Variants in TOPBP1 observed in about 807,000 individuals in gnomAD.
TOPBP1 encodes DNA topoisomerase II binding protein 1.
In TOPBP1, 28 loss-of-function variants were observed where a neutral mutation model predicts 167.7. The observed-to-expected ratio is 0.17, with a 90% CI of 0.12 to 0.23. The LOEUF (loss-of-function observed/expected upper bound fraction) is 0.23. TOPBP1 is among the 10% of genes least tolerant of loss of function. The pLI is 1.00. For synonymous variants in TOPBP1, 598 were observed against 611.4 expected, an observed-to-expected ratio of 0.98 and a Z score of 0.32; for missense variants, 1,554 against 1,809.6, an observed-to-expected ratio of 0.86 and a Z score of 2.56.
At chr3:133,634,111 A>C (rs1012091774) in intron 14 of TOPBP1, among the ~76,000 whole-genome samples, 2 of 152,254 alleles carry the variant, frequency 1.3e-5, no homozygotes, top group Non-Finnish European at 2.9e-5. Context: ...AAAAATTTGA[A>C]AAGAATCAAA....
intron 23 of TOPBP1, 39 bp downstream of exon 23, chr3:133,616,775 T>C (rs1232537063): frequency 3.3e-6 from 4 of 1,202,700 alleles, no homozygotes; most frequent in African/African-American, 1.6e-5. Flanking sequence ...AATATGGTTA[T>C]TATATGGGAC....
At chr3:133,603,892 C>A (rs1220520073) in intron 27 of TOPBP1, among the ~76,000 whole-genome samples, 1 of 151,732 alleles carries the variant, frequency 6.6e-6, no homozygotes, top group Non-Finnish European at 1.5e-5. Flanking sequence ...AAATCTTTCA[C>A]ATATATGATA....
rs928127650 is a variant in TOPBP1 at position 133,612,268 on chromosome 3, G to C, written c.4035+121C>G. 9.1e-6 allele frequency: 10 copies of C among 1,093,606 alleles called. No individual in the cohort carries two copies. The African/African-American group carries it at 1.1e-4, about 12-fold the overall frequency. 67.7% of individuals were successfully genotyped at this position (1,093,606 alleles called of 1,614,324 possible). ...TTGGCCAGGCATGTCTCGAACTCCT[G>C]ATCTCAGGTGATCCACCCACCTCGG... On this transcript the variant is annotated intron_variant, in intron 24 of 27. Coordinates refer to ENST00000260810, the MANE Select transcript of TOPBP1 (RefSeq NM_007027.4).
Position 133,617,191 on chromosome 3 carries a change from T to A in TOPBP1, c.3728A>T (p.Asn1243Ile). 1 of 1,612,786 alleles carries A rather than the reference T, an allele frequency of 6.2e-7. No homozygotes were observed. The change falls in exon 22 of 28, where the codon AAC (asparagine) becomes ATC (isoleucine). Residue 1243 changes from asparagine to isoleucine, a missense_variant. Physicochemically the swap from Asn to Ile is moderately radical, Grantham distance 149. Transcript: ENST00000260810. ...TCTAGGGTGCGGAGCCACAGGGGGGTTGGCGAGTGGAAAGGCAATACTGGG... is the reference window on the plus strand; with the variant it reads ...TCTAGGGTGCGGAGCCACAGGGGGGATGGCGAGTGGAAAGGCAATACTGGG... The part of the protein sequence containing the change: ...QAPSIAFPLA[N>I]PPVAPHPREK...
At chr3:133,653,586 A>G in intron 6 of TOPBP1, 62 bp from the exon 7 acceptor site, 1 of 1,338,072 alleles carries the variant, frequency 7.5e-7, no homozygotes, top group East Asian at 2.6e-5. Context: ...GAAAACCATT[A>G]CAATCTATCT....
rs558998160 is a variant in TOPBP1, at chr3:133,615,238, G to A, written c.3871+1576C>T. 9.3e-4 allele frequency among the ~76,000 whole-genome samples: 142 copies of A among 152,168 alleles called. 2 individuals carry two copies. Among genetic ancestry groups the A allele is most frequent in the Non-Finnish European group, 8.8e-4 (60 of 67,980 alleles). On this transcript the variant is annotated intron_variant, in intron 23 of 27. Transcript: ENST00000260810. ...TAATCCCAGCACTTTGGGAGGCCAAGGTAGGTGGATCATCTGAGGTCAGCA... is the reference window on the plus strand; with the variant it reads ...TAATCCCAGCACTTTGGGAGGCCAAAGTAGGTGGATCATCTGAGGTCAGCA...
chr3:133,619,293 C>T (rs181145240), intron 20 of TOPBP1, among the ~76,000 whole-genome samples: 1 of 152,174 alleles, frequency 6.6e-6, no homozygotes, highest in Admixed American at 6.6e-5. Context: ...AATGATAAAA[C>T]ATGATCTGAA....
intron 8 of TOPBP1, among the ~76,000 whole-genome samples, chr3:133,651,950 A>G (rs1412324799): frequency 6.6e-6 from 1 of 152,214 alleles, no homozygotes; most frequent in African/African-American, 2.4e-5. Context: ...CCTGGGCAAC[A>G]TAGTGAGACC....
rs142004831 is a variant in TOPBP1, at chr3:133,604,238, G to A, written c.4426-2845C>T. Among the ~76,000 whole-genome samples the A allele has an allele frequency of 9.4e-4, 143 of 151,734 alleles. 3 individuals carry two copies. Among genetic ancestry groups the A allele is most frequent in the African/African-American group, 3.2e-3 (132 of 41,404 alleles). On this transcript the variant is annotated intron_variant, in intron 27 of 27. Coordinates refer to ENST00000260810, the MANE Select transcript of TOPBP1 (RefSeq NM_007027.4). ...CAACCTCTGCCTCCCAGGTTCAAGC[G>A]ATTCTCCTGCCTCAGCCTCCCGAGT...
intron 14 of TOPBP1, among the ~76,000 whole-genome samples, 185 bp downstream of exon 14, chr3:133,637,691 A>G (rs1413377642): frequency 6.6e-6 from 1 of 152,236 alleles, no homozygotes; most frequent in Non-Finnish European, 1.5e-5. Flanking sequence ...ATATTTATCT[A>G]TAGCTGTTAC....
chr3:133,625,631 T>A (rs1247849519), intron 16 of TOPBP1, among the ~76,000 whole-genome samples: 1 of 151,842 alleles, frequency 6.6e-6, no homozygotes, highest in East Asian at 1.9e-4. Context: ...CTCAGGAGGC[T>A]GAGGCAGGAG....
intron 17 of TOPBP1, 40 bp downstream of exon 17, chr3:133,624,012 T>G (rs199924836): frequency 1.7e-4 from 266 of 1,586,908 alleles, no homozygotes; most frequent in Middle Eastern, 1.0e-3. Context: ...TGTATACATT[T>G]TCAATTAACA....
intron 25 of TOPBP1, among the ~76,000 whole-genome samples, chr3:133,610,703 A>AT (rs570589430): frequency 7.6e-4 from 115 of 151,710 alleles, no homozygotes; most frequent in Non-Finnish European, 1.5e-3. Flanking sequence ...ATAAGGATGT[A>AT]TTTTTCTCCC....
At chr3:133,628,285 T>C (rs1201575044) in intron 16 of TOPBP1, 77 bp downstream of exon 16, 37 of 1,281,128 alleles carry the variant, frequency 2.9e-5, no homozygotes, top group Non-Finnish European at 1.4e-5. Flanking sequence ...TGTATTCTTG[T>C]AGATGCTCAC....
intron 10 of TOPBP1, among the ~76,000 whole-genome samples, chr3:133,646,862 A>C (rs1281474908): frequency 6.6e-6 from 1 of 152,182 alleles, no homozygotes; most frequent in Non-Finnish European, 1.5e-5. Context: ...TCTCACTAAA[A>C]ACACTTCAAA....
intron 2 of TOPBP1, among the ~76,000 whole-genome samples, chr3:133,660,588 T>G (rs1936663831): frequency 1.3e-5 from 2 of 152,226 alleles, no homozygotes; most frequent in South Asian, 4.1e-4. Flanking sequence ...TCGAAGAAAC[T>G]TCCAGGCCAT....
chr3:133,601,097 G>A lies in TOPBP1; in HGVS notation c.*153C>T, dbSNP rs1250169195. ...TAATATTTCAGTGATTACAATTTCA[G>A]GTGTTCAAAACTCAAGAAGGGTCAT... On this transcript the variant is annotated 3_prime_UTR_variant, in exon 28 of 28. Transcript: ENST00000260810. 44 of 542,064 alleles carry A rather than the reference G, an allele frequency of 8.1e-5. No homozygotes were observed. Among genetic ancestry groups the A allele is most frequent in the Non-Finnish European group, 9.4e-5 (30 of 319,092 alleles). 33.6% of individuals were successfully genotyped at this position (542,064 alleles called of 1,614,324 possible). A position where few individuals can be genotyped will look rare whatever the true frequency, so the allele number is the denominator to read the frequency against.
chr3:133,632,440 G>A (rs556667571), intron 14 of TOPBP1, among the ~76,000 whole-genome samples: 2 of 152,078 alleles, frequency 1.3e-5, no homozygotes, highest in African/African-American at 2.4e-5. Context: ...TAAATTACTC[G>A]GTCTGGGGTA....
chr3:133,616,886 G>GT lies in TOPBP1; in HGVS notation c.3798dup (p.Gln1267ThrfsTer16). On this transcript the variant is annotated frameshift_variant, in exon 23 of 28. Coordinates refer to ENST00000260810, the MANE Select transcript of TOPBP1 (RefSeq NM_007027.4). LOFTEE classifies it high-confidence loss of function. ...AGAGATGATAACTGAAATATGTACT[G>GT]TTTTTTTAATTCTTCATGAGTCTCC... is the stretch of plus-strand genomic sequence containing the variant. 3 of 1,548,596 alleles carry GT rather than the reference G, an allele frequency of 1.9e-6. No homozygotes were observed. Among genetic ancestry groups the GT allele is most frequent in the East Asian group, 2.3e-5 (1 of 42,662 alleles).
Sources: gnomAD v4.1 joint callset for allele counts (sites outside exome capture counted in the v4.1 genomes callset) on GRCh38, gnomAD v4.1.1 for gene constraint, MANE v1.5 for transcripts, NCBI Gene and HGNC (gene_info 2026-07-23, HGNC 2026-07-21) for gene names.